The following NLGN1 variants were observed in gnomAD, a reference collection of about 807,000 sequenced individuals.
NLGN1 encodes neuroligin-1.
NLGN1 carries 12 observed loss-of-function variants against 65.5 expected under a neutral mutation model. The observed-to-expected ratio is 0.18, with a 90% confidence interval of 0.12 to 0.30. NLGN1 has a LOEUF of 0.30. Among genes scored for constraint, NLGN1 ranks in the 10% least tolerant of loss-of-function variants. The pLI is 1.00. For missense variants in NLGN1, 750 were observed against 1,007.1 expected (o/e 0.74, Z 3.46); for synonymous variants, 350 against 359.5 (o/e 0.97, Z 0.30).
intron 4 of NLGN1, among the ~76,000 whole-genome samples, chr3:173,997,776 A>C (rs1200138467): frequency 6.6e-6 from 1 of 152,150 alleles, no homozygotes; most frequent in East Asian, 1.9e-4. Context: ...CACTTAAAAA[A>C]TATCCTTATT....
chr3:173,691,304 C>T (rs1349515532), intron 3 of NLGN1, among the ~76,000 whole-genome samples: 5 of 152,004 alleles, frequency 3.3e-5, no homozygotes, highest in African/African-American at 9.7e-5. Flanking sequence ...CCAATGCGTT[C>T]TCTCTCTCTT....
chr3:174,241,593 C>A (rs1742825416), intron 4 of NLGN1, among the ~76,000 whole-genome samples: 1 of 151,362 alleles, frequency 6.6e-6, no homozygotes, highest in African/African-American at 2.4e-5. Context: ...ATATTACAAT[C>A]TTTTGGGCAC....
intron 1 of NLGN1, among the ~76,000 whole-genome samples, chr3:173,411,105 G>T (rs1040442407): frequency 6.6e-6 from 1 of 152,230 alleles, no homozygotes; most frequent in African/African-American, 2.4e-5. Flanking sequence ...TGGAGGCTGT[G>T]CTGTGCTTTA....
At chr3:173,803,974 A>G (rs1439437616) in intron 3 of NLGN1, among the ~76,000 whole-genome samples, 1 of 152,186 alleles carries the variant, frequency 6.6e-6, no homozygotes, top group East Asian at 1.9e-4. Flanking sequence ...TGATTATATC[A>G]CTAATAATTA....
At chr3:174,219,431 G>A (rs1212571234) in intron 4 of NLGN1, among the ~76,000 whole-genome samples, 1 of 152,096 alleles carries the variant, frequency 6.6e-6, no homozygotes, top group Non-Finnish European at 1.5e-5. Flanking sequence ...TCCTCAGGCT[G>A]TCAATGGCAT....
At chr3:173,779,870 C>A (rs1008233179) in intron 3 of NLGN1, among the ~76,000 whole-genome samples, 1 of 152,000 alleles carries the variant, frequency 6.6e-6, no homozygotes, top group Non-Finnish European at 1.5e-5. Flanking sequence ...ACTAGTTTCC[C>A]CTCATCAACT....
chr3:173,590,138 A>G (rs1748220190), intron 2 of NLGN1, among the ~76,000 whole-genome samples: 1 of 152,194 alleles, frequency 6.6e-6, no homozygotes, highest in South Asian at 2.1e-4. Context: ...CCTTGAAAAT[A>G]AAACTTGAGC....
intron 3 of NLGN1, among the ~76,000 whole-genome samples, chr3:173,755,049 T>C (rs1173641128): frequency 6.6e-6 from 1 of 152,098 alleles, no homozygotes; most frequent in African/African-American, 2.4e-5. Flanking sequence ...AAGATAATTG[T>C]GTAAGAGAGA....
At chr3:173,431,862 G>C (rs1717230202) in intron 1 of NLGN1, among the ~76,000 whole-genome samples, 1 of 151,920 alleles carries the variant, frequency 6.6e-6, no homozygotes, top group Non-Finnish European at 1.5e-5. Flanking sequence ...AAATCCTCTA[G>C]GGCTCTATGG....
At chr3:173,538,787 A>G (rs1020561972) in intron 2 of NLGN1, among the ~76,000 whole-genome samples, 1 of 152,070 alleles carries the variant, frequency 6.6e-6, no homozygotes, top group Non-Finnish European at 1.5e-5. Flanking sequence ...TCCACAGAAT[A>G]TGTCATGCTA....
chr3:173,423,879 C>T (rs1400629326), intron 1 of NLGN1, among the ~76,000 whole-genome samples: 1 of 152,180 alleles, frequency 6.6e-6, no homozygotes, highest in Non-Finnish European at 1.5e-5. Flanking sequence ...GGACTCCAGC[C>T]CCACATTTCC....
chr3:173,913,812 G>A (rs1740156796), intron 4 of NLGN1, among the ~76,000 whole-genome samples: 1 of 152,122 alleles, frequency 6.6e-6, no homozygotes, highest in Non-Finnish European at 1.5e-5. Flanking sequence ...CTGTTAAAGA[G>A]TATTGCTGTT....
intron 4 of NLGN1, among the ~76,000 whole-genome samples, chr3:173,946,567 C>A (rs978780054): frequency 2.0e-5 from 3 of 152,014 alleles, no homozygotes; most frequent in Admixed American, 2.0e-4. Flanking sequence ...TATCTCTGTG[C>A]GGTTCACCTC....
chr3:173,807,828 A>T, exon 4 of NLGN1: 1 of 1,613,008 alleles, frequency 6.2e-7, no homozygotes. Flanking sequence ...GACTTGGAGT[A>T]CTCGGTAAGA....
chr3:173,503,022 A>G (rs945414223), intron 2 of NLGN1, among the ~76,000 whole-genome samples: 2 of 151,976 alleles, frequency 1.3e-5, no homozygotes, highest in African/African-American at 4.8e-5. Context: ...AGCCTTATTC[A>G]TAGTATCTTC....
chr3:173,777,189 G>A (rs1205202335), intron 3 of NLGN1, among the ~76,000 whole-genome samples: 1 of 151,942 alleles, frequency 6.6e-6, no homozygotes, highest in Non-Finnish European at 1.5e-5. Context: ...GGCCATTTAT[G>A]TAAGGTTGTT....
At chr3:173,798,113 C>T (rs76633562) in intron 3 of NLGN1, among the ~76,000 whole-genome samples, 250 of 152,128 alleles carry the variant, frequency 1.6e-3, no homozygotes, top group African/African-American at 5.8e-3. Flanking sequence ...AGATTTTACA[C>T]GTGCCTCCAA....
At chr3:173,429,061 T>C (rs1271745580) in intron 1 of NLGN1, among the ~76,000 whole-genome samples, 1 of 152,278 alleles carries the variant, frequency 6.6e-6, no homozygotes, top group Middle Eastern at 3.4e-3. Context: ...ATATTTTCTC[T>C]TACTATTTTT....
chr3:174,014,956 CA>C (rs1415989055), intron 4 of NLGN1, among the ~76,000 whole-genome samples: 1 of 152,036 alleles, frequency 6.6e-6, no homozygotes, highest in African/African-American at 2.4e-5. Flanking sequence ...CCTGAGTGGC[CA>C]TGAGCAGTAG....
Sources: gnomAD v4.1 joint callset for allele counts (sites outside exome capture counted in the v4.1 genomes callset) on GRCh38, gnomAD v4.1.1 for gene constraint, MANE v1.5 for transcripts, NCBI Gene and HGNC (gene_info 2026-07-23, HGNC 2026-07-21) for gene names.